The following NLGN1 variants were observed in gnomAD, a reference collection of about 807,000 sequenced individuals.
NLGN1 encodes neuroligin-1.
Under a neutral mutation model 65.5 loss-of-function variants are expected in NLGN1, and 12 were observed. The observed-to-expected ratio is 0.18, with a 90% CI of 0.12 to 0.30. NLGN1 has a LOEUF of 0.30. NLGN1 is among the 10% of genes least tolerant of loss of function. The pLI, the probability that NLGN1 is intolerant of heterozygous loss-of-function variation, is 1.00. For missense variants in NLGN1, 750 were observed against 1,007.1 expected (o/e 0.74, Z 3.46); for synonymous variants, 350 against 359.5 (o/e 0.97, Z 0.30).
chr3:174,080,473 G>T (rs1457580323), intron 4 of NLGN1, among the ~76,000 whole-genome samples: 1 of 152,316 alleles, frequency 6.6e-6, no homozygotes, highest in Admixed American at 6.5e-5. Flanking sequence ...CTTTTGACTT[G>T]GGGCTTTGTA....
At chr3:173,547,536 AT>A (rs1740082883) in intron 2 of NLGN1, among the ~76,000 whole-genome samples, 1 of 152,160 alleles carries the variant, frequency 6.6e-6, no homozygotes, top group South Asian at 2.1e-4. Flanking sequence ...ATCCAATATT[AT>A]ATCCAGATAT....
chr3:173,539,754 C>CAT (rs1341669177), intron 2 of NLGN1, among the ~76,000 whole-genome samples: 1 of 77,980 alleles, frequency 1.3e-5, no homozygotes, highest in African/African-American at 5.8e-5. Context: ...ACATATATAA[C>CAT]ATATACATGT....
chr3:173,680,802 T>G (rs1416360596), intron 3 of NLGN1, among the ~76,000 whole-genome samples: 1 of 152,174 alleles, frequency 6.6e-6, no homozygotes, highest in Non-Finnish European at 1.5e-5. Context: ...TATTTATTTG[T>G]TTCAGTTCTT....
chr3:174,140,145 AT>A (rs1306506115), intron 4 of NLGN1, among the ~76,000 whole-genome samples: 2 of 152,152 alleles, frequency 1.3e-5, no homozygotes, highest in African/African-American at 4.8e-5. Flanking sequence ...CTTTAAAAAC[AT>A]TTGTAATATT....
chr3:174,121,904 C>T (rs1441323894), intron 4 of NLGN1, among the ~76,000 whole-genome samples: 1 of 152,134 alleles, frequency 6.6e-6, no homozygotes, highest in African/African-American at 2.4e-5. Context: ...ATATGAGAAA[C>T]TGAACTCACT....
intron 4 of NLGN1, among the ~76,000 whole-genome samples, chr3:173,857,298 A>G (rs781779419): frequency 2.6e-5 from 4 of 152,096 alleles, no homozygotes; most frequent in Non-Finnish European, 5.9e-5. Flanking sequence ...TGGGACTTGC[A>G]CACCACTTGT....
Position 173,853,538 on chromosome 3 carries a change from G to GT in NLGN1, c.646+45707dup, listed in dbSNP as rs1727375958. Among the ~76,000 whole-genome samples the GT allele has an allele frequency of 2.0e-5, 3 of 152,182 alleles. No homozygotes were observed. In the East Asian group the frequency reaches 5.8e-4, roughly 29 times the overall value. ...CATTACAAAGTACCCAAAGTGTCTG[G>GT]TAACACTAAGGAAATTGTATATTTA... is the stretch of plus-strand genomic sequence containing the variant. On this transcript the variant is annotated intron_variant, in intron 4 of 6. Coordinates refer to ENST00000457714, the Ensembl canonical transcript of NLGN1.
At chr3:173,542,958 C>G (rs1259818672) in intron 2 of NLGN1, among the ~76,000 whole-genome samples, 1 of 152,070 alleles carries the variant, frequency 6.6e-6, no homozygotes, top group Non-Finnish European at 1.5e-5. Context: ...CCTACCCCAT[C>G]ATGTCCAGGT....
intron 3 of NLGN1, among the ~76,000 whole-genome samples, chr3:173,759,769 C>T (rs1165645779): frequency 1.3e-5 from 2 of 151,890 alleles, no homozygotes; most frequent in African/African-American, 4.8e-5. Context: ...AGGATGTCAG[C>T]ATTCTTATCA....
intron 4 of NLGN1, among the ~76,000 whole-genome samples, chr3:174,032,830 T>G (rs1730302522): frequency 6.6e-6 from 1 of 152,116 alleles, no homozygotes; most frequent in African/African-American, 2.4e-5. Flanking sequence ...GGAAGGGTAT[T>G]ATTTCTACTC....
chr3:173,956,452 T>C (rs1712071061), intron 4 of NLGN1, among the ~76,000 whole-genome samples: 1 of 152,134 alleles, frequency 6.6e-6, no homozygotes, highest in Non-Finnish European at 1.5e-5. Context: ...TATGTTATTC[T>C]GGGAAAAAAT....
intron 3 of NLGN1, among the ~76,000 whole-genome samples, chr3:173,804,793 G>A (rs543769387): frequency 3.8e-4 from 58 of 152,162 alleles, no homozygotes; most frequent in African/African-American, 1.3e-3. Context: ...TTGGGAGGCC[G>A]AGGAGGGCAG....
chr3:173,430,451 C>G (rs1182702702), intron 1 of NLGN1, among the ~76,000 whole-genome samples: 1 of 152,186 alleles, frequency 6.6e-6, no homozygotes, highest in Non-Finnish European at 1.5e-5. Flanking sequence ...GATATTTCTT[C>G]ATGATTACTT....
intron 2 of NLGN1, among the ~76,000 whole-genome samples, chr3:173,466,630 A>G (rs1724409558): frequency 6.6e-6 from 1 of 152,186 alleles, no homozygotes; most frequent in Non-Finnish European, 1.5e-5. Context: ...GAAGTTGTTT[A>G]TTGATGAATA....
At chr3:173,637,135 A>G (rs1756720770) in intron 3 of NLGN1, among the ~76,000 whole-genome samples, 1 of 152,186 alleles carries the variant, frequency 6.6e-6, no homozygotes, top group Non-Finnish European at 1.5e-5. Flanking sequence ...CTTTATTCCC[A>G]AACAAAAAAC....
chr3:173,572,924 T>G (rs1744881244), intron 2 of NLGN1, among the ~76,000 whole-genome samples: 1 of 152,186 alleles, frequency 6.6e-6, no homozygotes, highest in Non-Finnish European at 1.5e-5. Flanking sequence ...TAACTTCTCC[T>G]GCCCTGTGTG....
At chr3:173,435,083 G>A (rs971990313) in intron 2 of NLGN1, 3 of 152,604 alleles carry the variant, frequency 2.0e-5, no homozygotes, top group African/African-American at 7.2e-5. Context: ...GTGGCAGTAA[G>A]TTCTCGCAGT....
chr3:173,788,427 CTG>C lies in NLGN1; in HGVS notation c.494-19248_494-19247del, dbSNP rs576830966. On this transcript the variant is annotated intron_variant, in intron 3 of 6. Transcript: ENST00000457714. Reference sequence around the variant, plus strand: ...ACCTATTTTTTTAGTTTTTAATTTACTGTGTGATAGCAAAAATTTTTAATATT... The same window carrying C: ...ACCTATTTTTTTAGTTTTTAATTTACTGTGATAGCAAAAATTTTTAATATT... Among the ~76,000 whole-genome samples the C allele has an allele frequency of 4.2e-3, 641 of 151,988 alleles. 4 individuals carry two copies. The highest frequency in any genetic ancestry group is 0.015 in the African/African-American group (612 of 41,462).
chr3:173,828,946 G>A (rs548034894), intron 4 of NLGN1, among the ~76,000 whole-genome samples: 1 of 151,996 alleles, frequency 6.6e-6, no homozygotes, highest in South Asian at 2.1e-4. Context: ...GGATTAATTT[G>A]GAAAGGCACT....
Sources: gnomAD v4.1 joint callset for allele counts (sites outside exome capture counted in the v4.1 genomes callset) on GRCh38, gnomAD v4.1.1 for gene constraint, MANE v1.5 for transcripts, NCBI Gene and HGNC (gene_info 2026-07-23, HGNC 2026-07-21) for gene names.